MRPL14: variants seen among roughly 807,000 people sequenced by gnomAD.
The protein encoded by MRPL14 is mitochondrial ribosomal protein L14.
Under a neutral mutation model 10.9 loss-of-function variants are expected in MRPL14, and 8 were observed. That is an observed-to-expected ratio of 0.74 (90% confidence interval 0.43 to 1.33). The LOEUF is 1.33. MRPL14 is among the 40% of genes most tolerant of loss of function. The probability of loss-of-function intolerance (pLI) is 0.01; values close to 1 mark genes in which losing one functional copy is unlikely to be tolerated. For missense variants in MRPL14, 179 were observed against 194.5 expected (o/e 0.92, Z 0.47); for synonymous variants, 82 against 74.1 (o/e 1.11, Z -0.54).
In MRPL14 at chr6:44,119,250, C is replaced by A. The variant is rs144307117; in HGVS notation, c.-18-2621G>T. On this transcript the variant is annotated intron_variant, in intron 1 of 2. Coordinates refer to ENST00000372014, the MANE Select transcript of MRPL14 (RefSeq NM_032111.4). ...CAAGAATACTGACGTCAGCTGGGCG[C>A]GGTGGCTCATGCCTGTAATCCCAGC... Among the ~76,000 whole-genome samples the A allele has an allele frequency of 9.2e-3, 1,397 of 152,196 alleles. 22 individuals carry two copies. The highest frequency in any genetic ancestry group is 0.032 in the African/African-American group (1,335 of 41,540).
rs1035015331 is a variant in MRPL14 at position 44,114,333 on chromosome 6, C to G, written c.72-124G>C. ...CAACACACACAGAGCAGAGTGCTGTCCAGGAGCAGCAACAGAAAGTCAGGA... is the reference window on the plus strand; with the variant it reads ...CAACACACACAGAGCAGAGTGCTGTGCAGGAGCAGCAACAGAAAGTCAGGA... On this transcript the variant is annotated intron_variant, in intron 2 of 2. Coordinates refer to ENST00000372014, the MANE Select transcript of MRPL14 (RefSeq NM_032111.4). The G allele has an allele frequency of 8.7e-6, 10 of 1,153,206 alleles. No individual in the cohort carries two copies. In the African/African-American group the frequency reaches 1.6e-4, roughly 18 times the overall value. The allele number at this position is 1,153,206 out of a possible 1,614,324, so 71.4% of individuals were successfully genotyped here. A position where few individuals can be genotyped will look rare whatever the true frequency, so the allele number is the denominator to read the frequency against.
chr6:44,127,076 A>C (rs953607571), intron 1 of MRPL14: 12 of 151,814 alleles, frequency 7.9e-5, no homozygotes, highest in Admixed American at 1.3e-4. Context: ...AAAGCAGGTG[A>C]GCGCCGGCCA....
In MRPL14 at chr6:44,114,002, G is replaced by A. The variant is rs745310676; in HGVS notation, c.279C>T (p.Gly93=). ...KALIVGHCMP[G]PRMTPRFDSN... ...AGTCGAATCTGGGGGTCATTCGGGG[G>A]CCAGGCATGCAGTGCCCCACAATGA... is the stretch of plus-strand genomic sequence containing the variant. The change falls in exon 3 of 3, where the codon GGC becomes GGT. Residue 93 remains glycine (G), a synonymous_variant. Transcript: ENST00000372014. 1.6e-5 allele frequency: 26 copies of A among 1,614,036 alleles called. No homozygotes were observed. The South Asian group carries it at 1.6e-4, about 10-fold the overall frequency.
intron 1 of MRPL14, among the ~76,000 whole-genome samples, chr6:44,122,927 C>T (rs897286317): frequency 6.6e-6 from 1 of 152,192 alleles, no homozygotes; most frequent in African/African-American, 2.4e-5. Flanking sequence ...TCATTCTGGA[C>T]CAATAAGTAC....
chr6:44,127,187 C>CCCACCCTCCCCGTCGGGA (rs1777240184), intron 1 of MRPL14, 157 bp downstream of exon 1: 1 of 125,102 alleles, frequency 8.0e-6, no homozygotes, highest in African/African-American at 2.7e-5. Flanking sequence ...CCCGTCGGGA[C>CCCACCCTCCCCGTCGGGA]CCCCCCCTCC....
chr6:44,115,438 A>G (rs1775751334), intron 2 of MRPL14, among the ~76,000 whole-genome samples: 1 of 152,168 alleles, frequency 6.6e-6, no homozygotes, highest in South Asian at 2.1e-4. Context: ...ACCAGAAGCC[A>G]AGCCATAAAC....
chr6:44,120,029 C>T (rs1238612342), intron 1 of MRPL14, among the ~76,000 whole-genome samples: 1 of 152,170 alleles, frequency 6.6e-6, no homozygotes, highest in African/African-American at 2.4e-5. Context: ...AAAGCACCTC[C>T]CTACACTCTG....
At chr6:44,118,722 T>C (rs969470676) in intron 1 of MRPL14, among the ~76,000 whole-genome samples, 2 of 152,184 alleles carry the variant, frequency 1.3e-5, no homozygotes, top group Non-Finnish European at 2.9e-5. Flanking sequence ...CCCAGCACTT[T>C]GGGAGGCCGA....
At chr6:44,122,452 T>C (rs1776544695) in intron 1 of MRPL14, among the ~76,000 whole-genome samples, 2 of 152,146 alleles carry the variant, frequency 1.3e-5, no homozygotes, top group Non-Finnish European at 2.9e-5. Context: ...TGATGCTTTG[T>C]GGAAAGCTGG....
intron 1 of MRPL14, among the ~76,000 whole-genome samples, chr6:44,126,155 G>A (rs1777010752): frequency 6.6e-6 from 1 of 152,148 alleles, no homozygotes. Flanking sequence ...CAAATAGAAG[G>A]GCACAGGAGA....
chr6:44,115,125 A>G (rs527897085), intron 2 of MRPL14, among the ~76,000 whole-genome samples: 1 of 152,160 alleles, frequency 6.6e-6, no homozygotes, highest in African/African-American at 2.4e-5. Flanking sequence ...TGGGATTCCT[A>G]TTTTCCTGAT....
intron 1 of MRPL14, among the ~76,000 whole-genome samples, chr6:44,122,124 C>T (rs1456918769): frequency 6.6e-6 from 1 of 151,792 alleles, no homozygotes; most frequent in African/African-American, 2.4e-5. Flanking sequence ...GCTCTGTCGC[C>T]CTGGCTGGAG....
At chr6:44,114,851 C>T (rs1048375742) in intron 2 of MRPL14, among the ~76,000 whole-genome samples, 28 of 152,278 alleles carry the variant, frequency 1.8e-4, no homozygotes, top group East Asian at 9.7e-4. Context: ...CCTCATGATC[C>T]GCCCGCCTCG....
intron 1 of MRPL14, 26 bp from the exon 2 acceptor site, chr6:44,116,655 A>C (rs754584999): frequency 1.9e-6 from 3 of 1,573,792 alleles, no homozygotes; most frequent in Non-Finnish European, 2.6e-6. Context: ...GAGGGGGAAA[A>C]ATTGGTTTCT....
chr6:44,126,153 A>C (rs927606807), intron 1 of MRPL14, among the ~76,000 whole-genome samples: 21 of 152,248 alleles, frequency 1.4e-4, no homozygotes, highest in African/African-American at 5.1e-4. Context: ...GGCAAATAGA[A>C]GGGCACAGGA....
intron 1 of MRPL14, among the ~76,000 whole-genome samples, chr6:44,118,283 A>G (rs994320541): frequency 2.0e-5 from 3 of 152,200 alleles, no homozygotes; most frequent in South Asian, 2.1e-4. Context: ...TCTGCCCCCA[A>G]GGTAGTTATG....
chr6:44,113,881 A>C lies in MRPL14; in HGVS notation c.400T>G (p.Tyr134Asp). Residue 134 changes from tyrosine (Y) to aspartate (D), a missense_variant, in exon 3 of 3, where the codon TAT becomes GAT. Coordinates refer to ENST00000372014, the MANE Select transcript of MRPL14 (RefSeq NM_032111.4). ...TGAGCAATGGCCAGCACCTTGGAAT[A>C]CTCGCCTTCCCGCTTGCGCAGGCTG... ...PTSLRKREGEYSKVLAIAQNF... is the reference protein window; with the variant it reads ...PTSLRKREGEDSKVLAIAQNF... 1 of 1,594,204 alleles carries C rather than the reference A, an allele frequency of 6.3e-7. No individual in the cohort carries two copies. Among genetic ancestry groups the C allele is most frequent in the Non-Finnish European group, 8.6e-7 (1 of 1,166,630 alleles).
At chr6:44,117,086 C>G (rs969891852) in intron 1 of MRPL14, among the ~76,000 whole-genome samples, 5 of 152,174 alleles carry the variant, frequency 3.3e-5, no homozygotes, top group African/African-American at 1.2e-4. Flanking sequence ...AAGCAGCCAC[C>G]CAAGTTGTCT....
At chr6:44,114,737 T>C (rs556951322) in intron 2 of MRPL14, among the ~76,000 whole-genome samples, 1 of 152,308 alleles carries the variant, frequency 6.6e-6, no homozygotes, top group East Asian at 1.9e-4. Context: ...GCCTCCCAAG[T>C]AGCTAGGAAT....
Sources: gnomAD v4.1 joint callset for allele counts (sites outside exome capture counted in the v4.1 genomes callset) on GRCh38, gnomAD v4.1.1 for gene constraint, MANE v1.5 for transcripts, NCBI Gene and HGNC (gene_info 2026-07-23, HGNC 2026-07-21) for gene names.